FAIM: variants seen among roughly 807,000 people sequenced by gnomAD.
FAIM encodes Fas apoptotic inhibitory molecule.
In FAIM, 14 loss-of-function variants were observed where a neutral mutation model predicts 21.2. The ratio of observed to expected loss-of-function variants is 0.66; its 90% CI spans 0.44 to 1.03. The LOEUF (loss-of-function observed/expected upper bound fraction) is 1.03, where lower values mean the gene tolerates loss of function less well. FAIM is among the 50% of genes least tolerant of loss of function. FAIM has a pLI of 0.00. For missense variants in FAIM, 222 were observed against 247.1 expected (o/e 0.90, Z 0.68); for synonymous variants, 86 against 80.4 (o/e 1.07, Z -0.37).
chr3:138,629,014 T>C, intron 4 of FAIM, 93 bp from the exon 5 acceptor site: 2 of 933,490 alleles, frequency 2.1e-6, no homozygotes, highest in Admixed American at 4.7e-5. Flanking sequence ...AGATCTGGTA[T>C]ATCAATCCTT....
intron 4 of FAIM, among the ~76,000 whole-genome samples, chr3:138,628,778 C>T (rs983894886): frequency 6.6e-5 from 10 of 152,176 alleles, no homozygotes; most frequent in South Asian, 2.1e-4. Flanking sequence ...CCACCGCGCC[C>T]GGCCTGTATG....
intron 4 of FAIM, among the ~76,000 whole-genome samples, chr3:138,623,037 C>CAA (rs371960079): frequency 7.3e-4 from 74 of 101,044 alleles, no homozygotes; most frequent in African/African-American, 1.0e-3. Flanking sequence ...GACTCCATCT[C>CAA]AAAAAAAAAA....
intron 1 of FAIM, 102 bp from the exon 2 acceptor site, chr3:138,619,609 G>A (rs996406184): frequency 2.1e-6 from 2 of 974,250 alleles, no homozygotes; most frequent in African/African-American, 3.3e-5. Flanking sequence ...TAAATGGATT[G>A]CAAAATTAGA....
chr3:138,612,303 G>C (rs940204128), intron 1 of FAIM, among the ~76,000 whole-genome samples: 2 of 151,842 alleles, frequency 1.3e-5, no homozygotes, highest in Non-Finnish European at 2.9e-5. Flanking sequence ...GGGTTTCACC[G>C]TGTTAGCCAG....
chr3:138,630,451 C>G (rs1162971412), intron 5 of FAIM: 1 of 152,122 alleles, frequency 6.6e-6, no homozygotes, highest in Non-Finnish European at 1.5e-5. Context: ...AGACCCATCT[C>G]TAAAAAAATT....
chr3:138,623,947 T>C (rs1294849721), intron 4 of FAIM, among the ~76,000 whole-genome samples: 1 of 152,222 alleles, frequency 6.6e-6, no homozygotes, highest in Non-Finnish European at 1.5e-5. Flanking sequence ...CAAACTCACT[T>C]TCTCTCAGAA....
intron 1 of FAIM, among the ~76,000 whole-genome samples, chr3:138,610,047 G>A (rs1015914561): frequency 2.6e-5 from 4 of 152,170 alleles, no homozygotes; most frequent in Non-Finnish European, 4.4e-5. Flanking sequence ...GCCCGGAGAT[G>A]AAGATGTCAA....
intron 1 of FAIM, among the ~76,000 whole-genome samples, chr3:138,618,151 T>G (rs2042848008): frequency 6.6e-6 from 1 of 151,486 alleles, no homozygotes; most frequent in South Asian, 2.1e-4. Flanking sequence ...CTGGCTGGCT[T>G]ATTATATTGC....
intron 1 of FAIM, among the ~76,000 whole-genome samples, chr3:138,617,188 G>A (rs1029949177): frequency 2.2e-4 from 33 of 151,476 alleles, no homozygotes; most frequent in African/African-American, 8.0e-4. Flanking sequence ...TGATTTAGTA[G>A]TATTTGGAAT....
At chr3:138,611,915 T>C (rs1216981895) in intron 1 of FAIM, among the ~76,000 whole-genome samples, 1 of 152,168 alleles carries the variant, frequency 6.6e-6, no homozygotes, top group Non-Finnish European at 1.5e-5. Context: ...ATAAACCTTT[T>C]TTCTTTATAA....
intron 1 of FAIM, among the ~76,000 whole-genome samples, chr3:138,617,363 AT>A (rs1248853974): frequency 6.8e-6 from 1 of 147,672 alleles, no homozygotes; most frequent in Non-Finnish European, 1.5e-5. Flanking sequence ...TGTTTGGCTT[AT>A]TTTTTATATT....
rs138002065 is a variant in FAIM at position 138,632,971 on chromosome 3, C to G, written c.498C>G (p.Ile166Met). The G allele has an allele frequency of 3.7e-6, 6 of 1,613,474 alleles. No individual in the cohort carries two copies. Among genetic ancestry groups the G allele is most frequent in the African/African-American group, 1.3e-5 (1 of 74,860 alleles). ...ATGGGACTGAAACTCACTTCAGTAT[C>G]GGGAACCATGACTGTTACATAAAGG... Reference protein sequence around the residue: ...VDDGTETHFSIGNHDCYIKAV... With the variant: ...VDDGTETHFSMGNHDCYIKAV... The change falls in exon 6 of 6, where the codon ATC becomes ATG. Residue 166 changes from isoleucine (I) to methionine (M), a missense_variant. Ile to Met is a conservative substitution (Grantham distance 10, BLOSUM62 1). Transcript: ENST00000360570.
At chr3:138,621,567 AATATG>A (rs2042885801) in intron 3 of FAIM, 28 bp downstream of exon 3, 1 of 1,597,254 alleles carries the variant, frequency 6.3e-7, no homozygotes, top group African/African-American at 1.3e-5. Context: ...TACTTTGTAA[AATATG>A]ATATATAGAG....
chr3:138,609,567 T>C (rs1353215053), intron 1 of FAIM, among the ~76,000 whole-genome samples: 112 of 93,430 alleles, frequency 1.2e-3, no homozygotes, highest in African/African-American at 4.5e-3. Flanking sequence ...TCTCTCTCTC[T>C]CTCTCTCTCG....
chr3:138,613,256 G>A (rs1313140075), intron 1 of FAIM, among the ~76,000 whole-genome samples: 1 of 151,926 alleles, frequency 6.6e-6, no homozygotes, highest in Non-Finnish European at 1.5e-5. Context: ...CTGACCTCAG[G>A]TGATCCACCC....
At chr3:138,631,916 G>A (rs180949913) in intron 5 of FAIM, among the ~76,000 whole-genome samples, 16 of 152,178 alleles carry the variant, frequency 1.1e-4, no homozygotes, top group Middle Eastern at 3.4e-3. Context: ...CTCTCCCTGA[G>A]GCATCCTGTG....
intron 4 of FAIM, among the ~76,000 whole-genome samples, chr3:138,626,363 T>C: frequency 6.6e-6 from 1 of 152,230 alleles, no homozygotes; most frequent in South Asian, 2.1e-4. Flanking sequence ...CCTGTTCCCA[T>C]CTGCCATGTT....
chr3:138,619,988 G>A (rs996332195), intron 2 of FAIM, among the ~76,000 whole-genome samples: 5 of 152,210 alleles, frequency 3.3e-5, no homozygotes, highest in Non-Finnish European at 5.9e-5. Flanking sequence ...GCCTTGATGT[G>A]AGGTCTTCTC....
Position 138,621,628 on chromosome 3 carries a change from CT to C in FAIM, c.177+97del, listed in dbSNP as rs968210454. The C allele has an allele frequency of 6.5e-4, 776 of 1,189,564 alleles. 1 individual carries two copies. Among genetic ancestry groups the C allele is most frequent in the Admixed American group, 3.0e-3 (111 of 37,380 alleles). 73.7% of individuals were successfully genotyped at this position (1,189,564 alleles called of 1,614,324 possible). ...AGCATCTTCATATGTGAATTCAGGGCTTTTTTTTCTTGTAGTCATGTTTTTG... is the reference window on the plus strand; with the variant it reads ...AGCATCTTCATATGTGAATTCAGGGCTTTTTTTCTTGTAGTCATGTTTTTG... On this transcript the variant is annotated intron_variant, in intron 3 of 5. Coordinates refer to ENST00000360570, the MANE Select transcript of FAIM (RefSeq NM_001033031.2).
Sources: allele counts gnomAD v4.1 joint callset (sites outside exome capture counted in the v4.1 genomes callset), GRCh38; gene constraint gnomAD v4.1.1; transcripts MANE v1.5; gene names NCBI Gene and HGNC (gene_info 2026-07-23, HGNC 2026-07-21).